The following ANKRD30B variants were observed in gnomAD, a reference collection of about 807,000 sequenced individuals.
ANKRD30B encodes the protein ankyrin repeat domain-containing protein 30B.
ANKRD30B carries 144 observed loss-of-function variants against 202.2 expected under a neutral mutation model. The observed-to-expected ratio is 0.71, with a 90% CI of 0.62 to 0.82. The LOEUF is 0.82. Ranked by LOEUF, ANKRD30B falls within the 40% of genes least tolerant of loss-of-function variation. The pLI is 0.00. For missense variants in ANKRD30B, 1,487 were observed against 1,669.1 expected (o/e 0.89, Z 1.90); for synonymous variants, 508 against 561.3 (o/e 0.91, Z 1.34).
intron 34 of ANKRD30B, among the ~76,000 whole-genome samples, chr18:14,831,672 G>T (rs544126427): frequency 6.6e-6 from 1 of 151,844 alleles, no homozygotes; most frequent in African/African-American, 2.4e-5. Flanking sequence ...AATAACAAAT[G>T]ATTGGTAAAT....
At chr18:14,774,737 A>C (rs1489385991) in intron 9 of ANKRD30B, among the ~76,000 whole-genome samples, 1 of 152,184 alleles carries the variant, frequency 6.6e-6, no homozygotes, top group Non-Finnish European at 1.5e-5. Flanking sequence ...TGCAAAATAT[A>C]ACATGTAATT....
At position 14,752,698 on chromosome 18, in the gene ANKRD30B, T is replaced by C; in HGVS notation, c.336+18T>C. The C allele has an allele frequency of 6.3e-7, 1 of 1,582,210 alleles. No individual in the cohort carries two copies. The highest frequency in any genetic ancestry group is 8.6e-7 in the Non-Finnish European group (1 of 1,161,458). On this transcript the variant is annotated intron_variant, in intron 2 of 43. Coordinates refer to ENST00000690538, the MANE Select transcript of ANKRD30B (RefSeq NM_001367607.2). ...TGATGAAGGTAAATAGTAGCCAGTT[T>C]TTTCAGCGGGAGATGGATTTGGTTT...
rs190239410 is a variant in ANKRD30B at position 14,795,460 on chromosome 18, G to T, written c.1826-761G>T. 3.6e-3 allele frequency among the ~76,000 whole-genome samples: 552 copies of T among 152,292 alleles called. 13 individuals are homozygous for T. The highest frequency in any genetic ancestry group is 0.027 in the Admixed American group (408 of 15,294). ...GATCCGCCCTCTTCAGGCGTCCAAG[G>T]TTCTGGAGTTACAGGCATGAGCCAT... On this transcript the variant is annotated intron_variant, in intron 16 of 43. Coordinates refer to ENST00000690538, the MANE Select transcript of ANKRD30B (RefSeq NM_001367607.2).
At chr18:14,850,528 C>T in intron 41 of ANKRD30B, 146 bp downstream of exon 41, 1 of 846,786 alleles carries the variant, frequency 1.2e-6, no homozygotes, top group Non-Finnish European at 1.7e-6. Flanking sequence ...TTTGTAGCTA[C>T]AGGTATTTAT....
intron 34 of ANKRD30B, among the ~76,000 whole-genome samples, chr18:14,835,321 T>TAATCAATA (rs1246905136): frequency 6.6e-6 from 1 of 151,518 alleles, no homozygotes; most frequent in African/African-American, 2.4e-5. Flanking sequence ...TTGTCAATTG[T>TAATCAATA]TTTAAAGTAA....
At chr18:14,921,451 G>A in the ANKRD30B span, among the ~76,000 whole-genome samples, 1 of 152,262 alleles carries the variant, frequency 6.6e-6, no homozygotes, top group African/African-American at 2.4e-5. Flanking sequence ...AGGCTTCTGT[G>A]AGCAGGAGAC....
chr18:14,826,693 T>TCTCACACACACACA (rs762792279), intron 32 of ANKRD30B, among the ~76,000 whole-genome samples: 8,249 of 124,858 alleles, frequency 0.066, 462 homozygotes, highest in East Asian at 0.32. Context: ...TCTCTCTCTC[T>TCTCACACACACACA]CACACACACA....
the ANKRD30B span, among the ~76,000 whole-genome samples, chr18:14,930,741 C>T: frequency 6.6e-6 from 1 of 152,164 alleles, no homozygotes; most frequent in African/African-American, 2.4e-5. Context: ...GGCTCCTTCC[C>T]CAGCACGGTG....
At chr18:14,769,296 T>C in intron 7 of ANKRD30B, 47 bp from the exon 8 acceptor site, 1 of 1,371,508 alleles carries the variant, frequency 7.3e-7, no homozygotes, top group Non-Finnish European at 1.0e-6. Flanking sequence ...CTGTATTTTC[T>C]ATTTATATTT....
intron 9 of ANKRD30B, among the ~76,000 whole-genome samples, chr18:14,776,717 T>C (rs1422708107): frequency 6.6e-6 from 1 of 152,254 alleles, no homozygotes; most frequent in Non-Finnish European, 1.5e-5. Context: ...AGGCTTGCTC[T>C]ACTTTTCTGA....
At chr18:14,940,389 G>T in the ANKRD30B span, among the ~76,000 whole-genome samples, 1 of 152,178 alleles carries the variant, frequency 6.6e-6, no homozygotes, top group Admixed American at 6.5e-5. Flanking sequence ...GGGATAGAGG[G>T]GACTTAAAAC....
the ANKRD30B span, among the ~76,000 whole-genome samples, chr18:14,935,211 T>C: frequency 6.6e-6 from 1 of 152,144 alleles, no homozygotes; most frequent in Non-Finnish European, 1.5e-5. Context: ...GGTAGACTCA[T>C]GAAATGGAGA....
At chr18:14,788,729 A>C (rs896217224) in intron 15 of ANKRD30B, among the ~76,000 whole-genome samples, 1 of 151,884 alleles carries the variant, frequency 6.6e-6, no homozygotes, top group Non-Finnish European at 1.5e-5. Flanking sequence ...TGAACTCATC[A>C]TTTTTTATGG....
At chr18:14,749,502 T>C (rs2143614681) in intron 1 of ANKRD30B, among the ~76,000 whole-genome samples, 1 of 151,564 alleles carries the variant, frequency 6.6e-6, no homozygotes, top group East Asian at 2.0e-4. Flanking sequence ...TGAAACACCG[T>C]CTCTACAAAA....
chr18:14,856,144 T>C (rs1306617465), downstream of ANKRD30B, among the ~76,000 whole-genome samples: 87 of 101,044 alleles, frequency 8.6e-4, no homozygotes, highest in Middle Eastern at 8.3e-3. Flanking sequence ...TGCTCCTCAC[T>C]TCCCAGATGG....
chr18:14,903,711 G>T, the ANKRD30B span: 1 of 152,154 alleles, frequency 6.6e-6, no homozygotes, highest in Non-Finnish European at 1.5e-5. Flanking sequence ...TTGGGGTAAA[G>T]TTCTCTGCAC....
intron 7 of ANKRD30B, among the ~76,000 whole-genome samples, chr18:14,765,177 A>G (rs1437994189): frequency 6.6e-6 from 1 of 151,926 alleles, no homozygotes; most frequent in African/African-American, 2.4e-5. Context: ...AATATGTTAG[A>G]CCGCTGGGTG....
chr18:14,772,511 C>T (rs991810500), intron 9 of ANKRD30B, among the ~76,000 whole-genome samples: 1 of 151,762 alleles, frequency 6.6e-6, no homozygotes, highest in Non-Finnish European at 1.5e-5. Flanking sequence ...AAAACTTTTC[C>T]ACAATAGAGA....
chr18:14,878,138 G>A, the ANKRD30B span, among the ~76,000 whole-genome samples: 31 of 152,300 alleles, frequency 2.0e-4, 1 homozygote, highest in South Asian at 6.2e-4. Context: ...CGAGATGCTC[G>A]TGTGCTGTGC....
Sources: gnomAD v4.1 joint callset for allele counts (sites outside exome capture counted in the v4.1 genomes callset) on GRCh38, gnomAD v4.1.1 for gene constraint, MANE v1.5 for transcripts, NCBI Gene and HGNC (gene_info 2026-07-23, HGNC 2026-07-21) for gene names.